Variants in OCA2 observed in about 807,000 individuals in gnomAD.
The protein encoded by OCA2 is OCA2 melanosomal transmembrane protein, also known as P protein.
OCA2 carries 77 observed loss-of-function variants against 100.2 expected under a neutral mutation model. That is an observed-to-expected ratio of 0.77 (90% confidence interval 0.64 to 0.93). OCA2 has a LOEUF of 0.93. Ranked by LOEUF, OCA2 falls within the 40% of genes least tolerant of loss-of-function variation. OCA2 has a pLI of 0.00. For synonymous variants in OCA2, 432 were observed against 439.2 expected (o/e 0.98, Z 0.21); for missense variants, 1,062 against 1,089.1 (o/e 0.98, Z 0.35).
rs1219228020 is a variant in OCA2, at chr15:27,770,899, T to C, written c.2433-15427A>G. ...CTTCCTTTGCTCCTTCCCATCTCCT[T>C]TTCCTTCCTTCCCTCCTCCCTCCCT... On this transcript the variant is annotated intron_variant, in intron 23 of 23. Coordinates refer to ENST00000354638, the MANE Select transcript of OCA2 (RefSeq NM_000275.3). 1.2e-3 allele frequency among the ~76,000 whole-genome samples: 42 copies of C among 33,612 alleles called. 1 individual carries two copies. The highest frequency in any genetic ancestry group is 4.8e-3 in the African/African-American group (41 of 8,558). The allele number at this position is 33,612 out of a possible 152,430, so 22.1% of individuals were successfully genotyped here. A position where few individuals can be genotyped will look rare whatever the true frequency, so the allele number is the denominator to read the frequency against.
At chr15:27,730,740 TATATATATATATATATATATATA>T in the OCA2 span, among the ~76,000 whole-genome samples, 1,150 of 19,606 alleles carry the variant, frequency 0.059, 32 homozygotes, top group African/African-American at 0.19. Flanking sequence ...CAAATATATA[TATATATATATATATATATATATA>T]TATATATATA....
intron 23 of OCA2, among the ~76,000 whole-genome samples, chr15:27,762,121 G>A (rs2030889568): frequency 6.6e-6 from 1 of 152,166 alleles, no homozygotes; most frequent in South Asian, 2.1e-4. Context: ...GGTGAGGTCT[G>A]GGCTTTTAGT....
chr15:27,800,727 G>A (rs112435158), intron 23 of OCA2, among the ~76,000 whole-genome samples: 35 of 152,110 alleles, frequency 2.3e-4, no homozygotes, highest in African/African-American at 8.2e-4. Flanking sequence ...CACTTTGGGA[G>A]GCCGAGGTGG....
chr15:27,886,460 T>C (rs1237756508), intron 19 of OCA2, among the ~76,000 whole-genome samples: 2 of 152,180 alleles, frequency 1.3e-5, no homozygotes, highest in East Asian at 1.9e-4. Flanking sequence ...TTCCTACTAT[T>C]TATAATGGCA....
intron 23 of OCA2, among the ~76,000 whole-genome samples, chr15:27,784,969 C>T (rs1021981124): frequency 2.6e-5 from 4 of 151,968 alleles, no homozygotes; most frequent in Non-Finnish European, 5.9e-5. Context: ...TATCAAACCA[C>T]AAATCTAAAT....
At chr15:27,772,749 G>A (rs1225667674) in intron 23 of OCA2, among the ~76,000 whole-genome samples, 1 of 151,172 alleles carries the variant, frequency 6.6e-6, no homozygotes, top group East Asian at 2.0e-4. Context: ...GCTGAGGCAG[G>A]AGAATCCCTT....
chr15:27,787,247 T>C (rs1156871158), intron 23 of OCA2, among the ~76,000 whole-genome samples: 1 of 152,118 alleles, frequency 6.6e-6, no homozygotes, highest in Non-Finnish European at 1.5e-5. Context: ...CAGTTTTATT[T>C]TCATGTTAAT....
At chr15:27,962,042 G>C (rs1320740631) in intron 15 of OCA2, among the ~76,000 whole-genome samples, 2 of 152,048 alleles carry the variant, frequency 1.3e-5, no homozygotes, top group East Asian at 1.9e-4. Context: ...CTATTTCCCA[G>C]ATGATAGGAA....
intron 8 of OCA2, among the ~76,000 whole-genome samples, 163 bp from the exon 9 acceptor site, chr15:28,015,092 T>C (rs766795810): frequency 2.0e-5 from 3 of 152,042 alleles, no homozygotes; most frequent in East Asian, 1.9e-4. Flanking sequence ...GCGTGAGACA[T>C]AGGATGCAGC....
chr15:27,797,505 T>C (rs1463491410), intron 23 of OCA2, among the ~76,000 whole-genome samples: 1 of 152,082 alleles, frequency 6.6e-6, no homozygotes, highest in Non-Finnish European at 1.5e-5. Flanking sequence ...GCGGCAGGCG[T>C]GTTCAGAAAC....
chr15:27,941,438 T>TA (rs1371112445), intron 18 of OCA2, among the ~76,000 whole-genome samples: 40 of 152,210 alleles, frequency 2.6e-4, no homozygotes, highest in Non-Finnish European at 5.4e-4. Context: ...TGCAGACCTA[T>TA]GTGATCCAAG....
intron 2 of OCA2, among the ~76,000 whole-genome samples, chr15:28,069,163 C>G (rs187573983): frequency 6.6e-6 from 1 of 151,926 alleles, no homozygotes; most frequent in African/African-American, 2.4e-5. Flanking sequence ...TCTCTCTTCA[C>G]GGACAATATG....
At chr15:28,036,861 C>T (rs1237925609) in intron 2 of OCA2, among the ~76,000 whole-genome samples, 1 of 152,068 alleles carries the variant, frequency 6.6e-6, no homozygotes, top group South Asian at 2.1e-4. Flanking sequence ...GAGGTTTGCC[C>T]TCAGTCTTTC....
intron 23 of OCA2, among the ~76,000 whole-genome samples, chr15:27,789,188 T>C (rs1348444418): frequency 7.1e-6 from 1 of 141,258 alleles, no homozygotes; most frequent in Non-Finnish European, 1.5e-5. Flanking sequence ...ATATACCTTT[T>C]CCAGTGCTCT....
At chr15:27,752,727 C>G (rs34651299), downstream of OCA2, among the ~76,000 whole-genome samples, 6,573 of 144,308 alleles carry the variant, frequency 0.046, 236 homozygotes, top group South Asian at 0.091. Flanking sequence ...CTGGCACAGC[C>G]CCAGCAGAAG....
At chr15:27,979,868 G>GTTTTTTTTTT (rs35266057) in intron 14 of OCA2, among the ~76,000 whole-genome samples, 6 of 108,002 alleles carry the variant, frequency 5.6e-5, no homozygotes, top group African/African-American at 1.0e-4. Flanking sequence ...CCCAGCTAGT[G>GTTTTTTTTTT]TTTTTTTTTT....
rs1408291755 is a variant in OCA2, at chr15:28,036,026, C to A, written c.228-3863G>T. Among the ~76,000 whole-genome samples, 3 of 152,158 alleles carry A rather than the reference C, an allele frequency of 2.0e-5. No homozygotes were observed. The East Asian group carries it at 5.8e-4, about 29-fold the overall frequency. On this transcript the variant is annotated intron_variant, in intron 2 of 23. Transcript: ENST00000354638. ...ACACATTCACACATATACATATTCA[C>A]GTATACAAATTGCCTTGTCCTCTAA... is the stretch of plus-strand genomic sequence containing the variant.
intron 4 of OCA2, among the ~76,000 whole-genome samples, chr15:28,026,588 G>A (rs2042754795): frequency 6.6e-6 from 1 of 152,194 alleles, no homozygotes; most frequent in South Asian, 2.1e-4. Context: ...GGGGGATCTA[G>A]GGTCGAATCC....
At chr15:27,722,420 G>A in the OCA2 span, among the ~76,000 whole-genome samples, 1 of 152,200 alleles carries the variant, frequency 6.6e-6, no homozygotes, top group African/African-American at 2.4e-5. Context: ...GCAGCCTTGT[G>A]GCTGTGTGCC....
Sources: allele counts gnomAD v4.1 joint callset (sites outside exome capture counted in the v4.1 genomes callset), GRCh38; gene constraint gnomAD v4.1.1; transcripts MANE v1.5; gene names NCBI Gene and HGNC (gene_info 2026-07-23, HGNC 2026-07-21).